Variants in CDKL1 observed in about 807,000 individuals in gnomAD.
The protein encoded by CDKL1 is cyclin-dependent kinase-like 1.
A neutral mutation model predicts 42.0 loss-of-function variants in CDKL1; 41 were observed. The observed-to-expected ratio is 0.98, with a 90% CI of 0.76 to 1.27. The LOEUF (loss-of-function observed/expected upper bound fraction) is 1.27, where lower values mean the gene tolerates loss of function less well. Ranked by LOEUF, CDKL1 falls within the 50% of genes most tolerant of loss-of-function variation. CDKL1 has a pLI of 0.00. For synonymous variants in CDKL1, 153 were observed against 158.6 expected (o/e 0.96, Z 0.26); for missense variants, 394 against 428.4 (o/e 0.92, Z 0.71).
At chr14:50,361,856 ACTTGAGGAGCC>A (rs1048486174) in intron 2 of CDKL1, among the ~76,000 whole-genome samples, 150 of 152,308 alleles carry the variant, frequency 9.8e-4, no homozygotes, top group African/African-American at 3.4e-3. Flanking sequence ...CTTTGGCGGC[ACTTGAGGAGCC>A]CTTCAGCCCG....
chr14:50,365,264 T>C (rs1022166859), intron 2 of CDKL1, among the ~76,000 whole-genome samples: 1 of 152,178 alleles, frequency 6.6e-6, no homozygotes, highest in African/African-American at 2.4e-5. Flanking sequence ...GCTTGTGATA[T>C]ATATTGCCAA....
At chr14:50,364,207 T>G (rs1174624490) in intron 2 of CDKL1, among the ~76,000 whole-genome samples, 2 of 152,192 alleles carry the variant, frequency 1.3e-5, no homozygotes, top group African/African-American at 2.4e-5. Flanking sequence ...TGGTGACTCA[T>G]GCCTGTAATC....
chr14:50,397,140 G>A, upstream of CDKL1: 1 of 1,365,992 alleles, frequency 7.3e-7, no homozygotes. Flanking sequence ...AGCTGTAACC[G>A]CGTCTGCGGA....
intron 2 of CDKL1, among the ~76,000 whole-genome samples, chr14:50,360,695 T>C (rs979278501): frequency 3.3e-5 from 5 of 152,114 alleles, no homozygotes; most frequent in Admixed American, 1.3e-4. Flanking sequence ...GCTTGAGCCA[T>C]GAACCCGGCC....
chr14:50,385,634 T>G (rs926949128), intron 2 of CDKL1, among the ~76,000 whole-genome samples: 1 of 151,702 alleles, frequency 6.6e-6, no homozygotes, highest in African/African-American at 2.4e-5. Flanking sequence ...TGAAACCCCA[T>G]CTCTACTAAA....
intron 2 of CDKL1, among the ~76,000 whole-genome samples, chr14:50,381,152 C>T (rs985747946): frequency 6.6e-6 from 1 of 152,190 alleles, no homozygotes; most frequent in Non-Finnish European, 1.5e-5. Flanking sequence ...CAAGAGGGAA[C>T]TTTGCACAGC....
Position 50,326,525 on chromosome 14 carries a change from C to T in CDKL1, c.*3549G>A, listed in dbSNP as rs533034731. 3.2e-5 allele frequency: 32 copies of T among 985,380 alleles called. No homozygotes were observed. In the East Asian group the frequency reaches 5.7e-4, roughly 17 times the overall value. 61.0% of individuals were successfully genotyped at this position (985,380 alleles called of 1,614,324 possible). A position where few individuals can be genotyped will look rare whatever the true frequency, so the allele number is the denominator to read the frequency against. ...GCATGCATTGCTTCAACAGGATTTG[C>T]GTGCATTTCCCATGATCCTGCATTC... On this transcript the variant is annotated 3_prime_UTR_variant, in exon 10 of 10. Transcript: ENST00000395834.
chr14:50,383,149 C>A (rs12892108), intron 2 of CDKL1, among the ~76,000 whole-genome samples: 3 of 151,714 alleles, frequency 2.0e-5, no homozygotes, highest in East Asian at 2.0e-4. Flanking sequence ...AGGAGGTCTC[C>A]ATCTCCTGAC....
chr14:50,381,425 A>G (rs576071487), intron 2 of CDKL1, among the ~76,000 whole-genome samples: 9 of 152,170 alleles, frequency 5.9e-5, no homozygotes, highest in African/African-American at 1.9e-4. Flanking sequence ...CCTTTTCCCA[A>G]CTCATCTGTG....
Position 50,329,058 on chromosome 14 carries a change from TATATACATACAC to T in CDKL1, c.*1004_*1015del, listed in dbSNP as rs1338809227. The T allele has an allele frequency of 4.1e-4, 60 of 147,302 alleles. No homozygotes were observed. Among genetic ancestry groups the T allele is most frequent in the African/African-American group, 1.5e-3 (60 of 39,804 alleles). 9.1% of individuals were successfully genotyped at this position (147,302 alleles called of 1,614,324 possible). On this transcript the variant is annotated 3_prime_UTR_variant, in exon 10 of 10. Transcript: ENST00000395834. ...TAGCATATATATATATATATATATA[TATATACATACAC>T]ATACATACACATACAAACATAGTGC...
rs147065999 is a variant in CDKL1 at position 50,377,522 on chromosome 14, A to C, written c.168+18179T>G. 182 of 1,147,846 alleles carry C rather than the reference A, an allele frequency of 1.6e-4. 1 individual carries two copies. In the East Asian group the frequency reaches 7.3e-3, roughly 46 times the overall value. 71.1% of individuals were successfully genotyped at this position (1,147,846 alleles called of 1,614,324 possible). On this transcript the variant is annotated intron_variant, in intron 2 of 9. Coordinates refer to ENST00000395834, the MANE Select transcript of CDKL1 (RefSeq NM_004196.7). Reference sequence around the variant, plus strand: ...AGACTTTACTTTCTGGGAGGTGCACAGTCTAAGACCATTGGTACCTGAAGT... The same window carrying C: ...AGACTTTACTTTCTGGGAGGTGCACCGTCTAAGACCATTGGTACCTGAAGT...
At chr14:50,353,496 C>T (rs966308531) in intron 3 of CDKL1, among the ~76,000 whole-genome samples, 2 of 148,732 alleles carry the variant, frequency 1.3e-5, no homozygotes, top group Non-Finnish European at 3.0e-5. Flanking sequence ...GGGGGTCTGG[C>T]CAAACTCTTG....
chr14:50,386,878 C>T (rs117829263), intron 2 of CDKL1, among the ~76,000 whole-genome samples: 1,821 of 151,742 alleles, frequency 0.012, 11 homozygotes, highest in Non-Finnish European at 0.02. Flanking sequence ...AACACAAAAA[C>T]CAGCCAGGTG....
chr14:50,343,927 C>A (rs1374743874), intron 4 of CDKL1, among the ~76,000 whole-genome samples: 1 of 152,206 alleles, frequency 6.6e-6, no homozygotes, highest in Non-Finnish European at 1.5e-5. Flanking sequence ...TTCCTCCTTC[C>A]GGGAATGCAG....
chr14:50,342,990 C>G (rs762346756), intron 4 of CDKL1: 2 of 1,355,720 alleles, frequency 1.5e-6, no homozygotes, highest in Non-Finnish European at 2.0e-6. Context: ...ATGCGGCCCC[C>G]CCTCCAGAAT....
chr14:50,342,792 C>A, intron 4 of CDKL1: 1 of 985,676 alleles, frequency 1.0e-6, no homozygotes, highest in South Asian at 1.7e-5. Flanking sequence ...AGCCCTGGGC[C>A]TGCTGAGATA....
intron 2 of CDKL1, among the ~76,000 whole-genome samples, chr14:50,368,608 A>C (rs539732358): frequency 2.1e-3 from 312 of 152,182 alleles, no homozygotes; most frequent in African/African-American, 7.3e-3. Context: ...TATGTTGCCA[A>C]GTCAAGTATT....
chr14:50,333,670 C>T (rs555061549), intron 8 of CDKL1: 4 of 152,270 alleles, frequency 2.6e-5, no homozygotes, highest in Admixed American at 2.6e-4. Flanking sequence ...ACTGTGTGGA[C>T]ACGCCCTGAA....
chr14:50,358,058 C>T, intron 3 of CDKL1: 2 of 1,348,000 alleles, frequency 1.5e-6, no homozygotes, highest in Non-Finnish European at 2.0e-6. Flanking sequence ...CAGGAAGGGA[C>T]CCCCTCCTCC....
Sources: gnomAD v4.1 joint callset for allele counts (sites outside exome capture counted in the v4.1 genomes callset) on GRCh38, gnomAD v4.1.1 for gene constraint, MANE v1.5 for transcripts, NCBI Gene and HGNC (gene_info 2026-07-23, HGNC 2026-07-21) for gene names.